Variants in ANO2 observed in about 807,000 individuals in gnomAD.
The protein encoded by ANO2 is anoctamin 2, also known as anoctamin-2.
A neutral mutation model predicts 124.2 loss-of-function variants in ANO2; 101 were observed. That is an observed-to-expected ratio of 0.81 (90% confidence interval 0.69 to 0.96). The LOEUF is 0.96. ANO2 is among the 40% of genes least tolerant of loss of function. The pLI is 0.00. For missense variants in ANO2, 1,293 were observed against 1,274.5 expected (o/e 1.01, Z -0.22); for synonymous variants, 486 against 482.5 (o/e 1.01, Z -0.09).
At chr12:5,729,380 C>T (rs1191444278) in intron 14 of ANO2, among the ~76,000 whole-genome samples, 2 of 152,104 alleles carry the variant, frequency 1.3e-5, no homozygotes, top group African/African-American at 4.8e-5. Flanking sequence ...CCAAAGAAGA[C>T]ATGCAAATGA....
intron 14 of ANO2, among the ~76,000 whole-genome samples, chr12:5,710,335 A>C (rs1949765620): frequency 6.6e-6 from 1 of 152,244 alleles, no homozygotes. Flanking sequence ...GATGCAGGGC[A>C]GAGATGACCA....
chr12:5,701,775 C>T (rs1320565385), intron 14 of ANO2, among the ~76,000 whole-genome samples: 4 of 152,140 alleles, frequency 2.6e-5, no homozygotes, highest in Non-Finnish European at 5.9e-5. Flanking sequence ...TTTATTCATG[C>T]TAATTCCTCA....
chr12:5,944,164 G>T (rs1340710457), intron 1 of ANO2, among the ~76,000 whole-genome samples: 1 of 152,198 alleles, frequency 6.6e-6, no homozygotes, highest in Non-Finnish European at 1.5e-5. Flanking sequence ...CTGAGCCAGG[G>T]TGACAGAGAG....
At chr12:5,564,549 G>A (rs1445597124) in intron 24 of ANO2, 1 of 152,266 alleles carries the variant, frequency 6.6e-6, no homozygotes, top group Admixed American at 6.5e-5. Flanking sequence ...AGGGGTTCAG[G>A]GGAAGACACT....
At chr12:5,881,324 C>T (rs979274055) in intron 3 of ANO2, among the ~76,000 whole-genome samples, 1 of 152,126 alleles carries the variant, frequency 6.6e-6, no homozygotes, top group African/African-American at 2.4e-5. Flanking sequence ...AGTACATGTG[C>T]ATCTACCCTA....
At chr12:5,743,049 T>C (rs1951150440) in intron 12 of ANO2, among the ~76,000 whole-genome samples, 1 of 151,888 alleles carries the variant, frequency 6.6e-6, no homozygotes, top group African/African-American at 2.4e-5. Context: ...GGCCTAGCAA[T>C]ATGGGAATCT....
At chr12:5,695,280 G>C (rs1379052864) in intron 14 of ANO2, among the ~76,000 whole-genome samples, 1 of 151,698 alleles carries the variant, frequency 6.6e-6, no homozygotes, top group East Asian at 1.9e-4. Flanking sequence ...GATCAGGCAG[G>C]GTTATTTGAC....
intron 14 of ANO2, among the ~76,000 whole-genome samples, chr12:5,697,199 C>T (rs761221178): frequency 2.0e-5 from 3 of 151,994 alleles, no homozygotes; most frequent in Non-Finnish European, 2.9e-5. Flanking sequence ...TCTGGGAGGC[C>T]GAGGCAGGCA....
intron 1 of ANO2, among the ~76,000 whole-genome samples, chr12:5,941,054 A>G (rs140405452): frequency 6.6e-6 from 1 of 152,344 alleles, no homozygotes; most frequent in Non-Finnish European, 1.5e-5. Context: ...GAATAGGCAT[A>G]TCCATGGAGA....
intron 4 of ANO2, 146 bp downstream of exon 4, chr12:5,853,896 AC>A (rs1454426264): frequency 2.4e-4 from 2 of 8,342 alleles, no homozygotes; most frequent in Admixed American, 1.4e-3. Flanking sequence ...CCCACCCCCC[AC>A]CCCCCACCCC....
At chr12:5,586,149 C>A (rs1019505611) in intron 20 of ANO2, among the ~76,000 whole-genome samples, 16 of 152,166 alleles carry the variant, frequency 1.1e-4, no homozygotes, top group Admixed American at 9.8e-4. Context: ...ATCCCAGAAG[C>A]CTTTTGTGGT....
At chr12:5,647,082 A>G (rs951197291) in intron 15 of ANO2, among the ~76,000 whole-genome samples, 1 of 152,184 alleles carries the variant, frequency 6.6e-6, no homozygotes, top group Non-Finnish European at 1.5e-5. Context: ...CCATAAAGAG[A>G]TATGGGGTAT....
intron 7 of ANO2, among the ~76,000 whole-genome samples, chr12:5,815,342 G>A (rs1255599804): frequency 6.6e-6 from 1 of 152,156 alleles, no homozygotes; most frequent in Non-Finnish European, 1.5e-5. Context: ...AGAAATCAGA[G>A]CAGTGTGGGG....
intron 3 of ANO2, among the ~76,000 whole-genome samples, chr12:5,861,178 A>G (rs1350978475): frequency 6.6e-6 from 1 of 152,208 alleles, no homozygotes; most frequent in African/African-American, 2.4e-5. Flanking sequence ...CTGCATAAGC[A>G]TAGACATACA....
At chr12:5,943,259 CTG>C (rs1304927745) in intron 1 of ANO2, among the ~76,000 whole-genome samples, 2 of 138,662 alleles carry the variant, frequency 1.4e-5, no homozygotes, top group Admixed American at 1.5e-4. Flanking sequence ...TGTGGGATGT[CTG>C]TGTTTGAGTG....
intron 14 of ANO2, among the ~76,000 whole-genome samples, chr12:5,689,962 C>T (rs1565571360): frequency 2.6e-5 from 4 of 152,138 alleles, no homozygotes; most frequent in Admixed American, 2.6e-4. Context: ...TAGTGACTGC[C>T]CCATGTGGGC....
chr12:5,587,624 G>T (rs977905358), intron 20 of ANO2, among the ~76,000 whole-genome samples: 4 of 152,128 alleles, frequency 2.6e-5, no homozygotes, highest in African/African-American at 9.7e-5. Context: ...CATCCCCTCC[G>T]AGATGGGGGA....
chr12:5,852,024 G>C, intron 4 of ANO2: 1 of 712,864 alleles, frequency 1.4e-6, no homozygotes, highest in Non-Finnish European at 2.6e-6. Flanking sequence ...ATGAGGTTAA[G>C]AGAACATTAC....
chr12:5,611,404 C>T (rs1386874735), intron 19 of ANO2, among the ~76,000 whole-genome samples: 3 of 151,720 alleles, frequency 2.0e-5, no homozygotes, highest in African/African-American at 4.8e-5. Flanking sequence ...AAAAGTTAAG[C>T]TCTGAGAAGA....
Sources: allele counts gnomAD v4.1 joint callset (sites outside exome capture counted in the v4.1 genomes callset), GRCh38; gene constraint gnomAD v4.1.1; transcripts MANE v1.5; gene names NCBI Gene and HGNC (gene_info 2026-07-23, HGNC 2026-07-21).